Variants in PPP1R1C observed in about 807,000 individuals in gnomAD.
The protein encoded by PPP1R1C is protein phosphatase 1 regulatory subunit 1C.
A neutral mutation model predicts 17.4 loss-of-function variants in PPP1R1C; 15 were observed. The ratio of observed to expected loss-of-function variants is 0.86; its 90% CI spans 0.58 to 1.33. PPP1R1C has a LOEUF of 1.33. PPP1R1C is among the 40% of genes most tolerant of loss of function. PPP1R1C has a pLI of 0.00. For synonymous variants in PPP1R1C, 35 were observed against 43.1 expected, an observed-to-expected ratio of 0.81 and a Z score of 0.73; for missense variants, 143 against 130.0, an observed-to-expected ratio of 1.10 and a Z score of -0.48.
At chr2:182,025,385 A>C (rs1031626196) in intron 2 of PPP1R1C, among the ~76,000 whole-genome samples, 1 of 137,210 alleles carries the variant, frequency 7.3e-6, no homozygotes, top group East Asian at 2.1e-4. Flanking sequence ...CAGTCCCCAG[A>C]GTGTGATATT....
rs548165065 is a variant in PPP1R1C at position 182,127,210 on chromosome 2, C to A, written c.*7-1764C>A. Among the ~76,000 whole-genome samples, 3 of 152,140 alleles carry A rather than the reference C, an allele frequency of 2.0e-5. No individual in the cohort carries two copies. The East Asian group carries it at 5.8e-4, about 29-fold the overall frequency. Reference sequence around the variant, plus strand: ...CTTGTAAGGTTTGTGGAGCACATTACCATGACTTTGTTTTCAAGAGGTGAG... The same window carrying A: ...CTTGTAAGGTTTGTGGAGCACATTAACATGACTTTGTTTTCAAGAGGTGAG... On this transcript the variant is annotated intron_variant, in intron 5 of 5. Coordinates refer to the PPP1R1C transcript ENST00000280295.
Position 181,976,660 on chromosome 2 carries a change from TTGAG to T in PPP1R1C, n.157+1398_157+1401del, listed in dbSNP as rs1685096812. Among the ~76,000 whole-genome samples, 1 of 152,170 alleles carries T rather than the reference TTGAG, an allele frequency of 6.6e-6. No homozygotes were observed. Among genetic ancestry groups the T allele is most frequent in the Admixed American group, 6.5e-5 (1 of 15,270 alleles). ...TCTATTCCTCACTCCTCTCTGTCTC[TTGAG>T]TATTTTAAACATCTTTCCCCTCTGG... On this transcript the variant is annotated intron_variant and non_coding_transcript_variant, in intron 2 of 5. Coordinates refer to the PPP1R1C transcript ENST00000464264. This position sits in a 1 kb window ranked among gnomAD's most constrained non-coding sequence, Gnocchi z 4.8.
chr2:182,090,300 T>TGTGTGTGTGTGTGTGTGTGA (rs1688745094), intron 4 of PPP1R1C, among the ~76,000 whole-genome samples: 1 of 151,678 alleles, frequency 6.6e-6, no homozygotes, highest in African/African-American at 2.4e-5. Context: ...TGTGTGTGTG[T>TGTGTGTGTGTGTGTGTGTGA]GTGTGTGTGT....
intron 4 of PPP1R1C, among the ~76,000 whole-genome samples, chr2:182,104,663 GT>G (rs1267205856): frequency 6.6e-6 from 1 of 152,120 alleles, no homozygotes; most frequent in Non-Finnish European, 1.5e-5. Context: ...ATTTACTAGT[GT>G]TTATTTAGGT....
intron 4 of PPP1R1C, among the ~76,000 whole-genome samples, chr2:182,080,761 A>T (rs1688451989): frequency 6.6e-6 from 1 of 152,188 alleles, no homozygotes; most frequent in Admixed American, 6.5e-5. Flanking sequence ...TCTAACCCAC[A>T]ACATTTAAAT....
At chr2:182,089,869 T>G (rs991408927) in intron 4 of PPP1R1C, among the ~76,000 whole-genome samples, 1 of 152,044 alleles carries the variant, frequency 6.6e-6, no homozygotes, top group Admixed American at 6.6e-5. Flanking sequence ...ATAAGCCTCA[T>G]AAGTTTTACT....
intron 5 of PPP1R1C, among the ~76,000 whole-genome samples, chr2:182,127,833 A>G (rs1224500049): frequency 6.6e-6 from 1 of 152,014 alleles, no homozygotes; most frequent in African/African-American, 2.4e-5. Flanking sequence ...TCCCAAGTGA[A>G]CAGAGTTTTG....
intron 2 of PPP1R1C, among the ~76,000 whole-genome samples, chr2:182,026,531 G>A (rs1477943487): frequency 1.2e-3 from 173 of 148,112 alleles, no homozygotes; most frequent in African/African-American, 3.7e-3. Flanking sequence ...GATATGCGGC[G>A]TTATTTCTGA....
At chr2:182,048,465 A>T (rs1449528070) in intron 2 of PPP1R1C, among the ~76,000 whole-genome samples, 1 of 152,242 alleles carries the variant, frequency 6.6e-6, no homozygotes, top group African/African-American at 2.4e-5. Context: ...ACTAAAAAGA[A>T]ATTATAATTC....
chr2:182,040,970 G>C (rs1322531137), intron 2 of PPP1R1C, among the ~76,000 whole-genome samples: 1 of 152,128 alleles, frequency 6.6e-6, no homozygotes, highest in Non-Finnish European at 1.5e-5. Flanking sequence ...TAAGTAACTG[G>C]CTTTATTTCT....
intron 2 of PPP1R1C, among the ~76,000 whole-genome samples, chr2:182,041,217 A>G (rs1355994897): frequency 6.6e-6 from 1 of 152,176 alleles, no homozygotes; most frequent in Non-Finnish European, 1.5e-5. Context: ...TAGGAATTGC[A>G]TTGGATGTGT....
At chr2:181,999,774 T>TA (rs1353417441) in intron 2 of PPP1R1C, among the ~76,000 whole-genome samples, 2 of 149,204 alleles carry the variant, frequency 1.3e-5, no homozygotes, top group Non-Finnish European at 3.0e-5. Context: ...TTCTATAAGC[T>TA]AAAAACAAAA....
intron 2 of PPP1R1C, among the ~76,000 whole-genome samples, chr2:182,046,093 T>TTTCCTTCCTTCC (rs56180506): frequency 0.044 from 6,371 of 143,876 alleles, 194 homozygotes; most frequent in Middle Eastern, 0.066. Context: ...CCCTCCTACA[T>TTTCCTTCCTTCC]TTCCTTCCTT....
At chr2:182,118,393 T>C (rs1689646013), downstream of PPP1R1C, among the ~76,000 whole-genome samples, 1 of 152,118 alleles carries the variant, frequency 6.6e-6, no homozygotes, top group South Asian at 2.1e-4. Flanking sequence ...AGGCAAAGTA[T>C]CTAAACTACA....
At chr2:182,073,930 G>C (rs149614095) in intron 4 of PPP1R1C, among the ~76,000 whole-genome samples, 76 of 152,262 alleles carry the variant, frequency 5.0e-4, no homozygotes, top group African/African-American at 1.7e-3. Context: ...CGAGACAATA[G>C]AGCACTTTTG....
intron 2 of PPP1R1C, among the ~76,000 whole-genome samples, chr2:182,020,788 G>GT (rs1491419165): frequency 2.0e-5 from 3 of 152,012 alleles, no homozygotes; most frequent in Admixed American, 6.6e-5. Flanking sequence ...TTTCTATATG[G>GT]TATTTCATTT....
At chr2:182,081,305 T>G (rs1282404695) in intron 4 of PPP1R1C, among the ~76,000 whole-genome samples, 1 of 152,200 alleles carries the variant, frequency 6.6e-6, no homozygotes, top group Non-Finnish European at 1.5e-5. Context: ...ATTCAACAAA[T>G]AGCGGCTATC....
At chr2:181,956,431 G>A (rs897682804) in intron 1 of PPP1R1C, among the ~76,000 whole-genome samples, 1 of 152,134 alleles carries the variant, frequency 6.6e-6, no homozygotes, top group African/African-American at 2.4e-5. Flanking sequence ...GGATTGCTGG[G>A]TCAAGTATTT....
intron 2 of PPP1R1C, among the ~76,000 whole-genome samples, chr2:182,000,921 C>A (rs1232655089): frequency 1.3e-5 from 2 of 152,144 alleles, no homozygotes; most frequent in Non-Finnish European, 2.9e-5. Flanking sequence ...TAATTCCTCT[C>A]TGGATAGGAT....
Sources: gnomAD v4.1 joint callset for allele counts (sites outside exome capture counted in the v4.1 genomes callset) on GRCh38, gnomAD v4.1.1 for gene constraint, Gnocchi (gnomAD v3.1) non-coding constraint, MANE v1.5 for transcripts, NCBI Gene and HGNC (gene_info 2026-07-23, HGNC 2026-07-21) for gene names.